The following CLEC4D variants were observed in gnomAD, a reference collection of about 807,000 sequenced individuals.
CLEC4D encodes the protein C-type lectin domain family 4 member D.
A neutral mutation model predicts 21.1 loss-of-function variants in CLEC4D; 21 were observed. The observed-to-expected ratio is 1.00, with a 90% confidence interval of 0.71 to 1.43. CLEC4D has a LOEUF of 1.43. Ranked by LOEUF, CLEC4D falls within the 40% of genes most tolerant of loss-of-function variation. The pLI is 0.00. For synonymous variants in CLEC4D, 85 were observed against 83.1 expected (o/e 1.02, Z -0.12); for missense variants, 289 against 260.7 (o/e 1.11, Z -0.75).
At chr12:8,528,507 G>A in the CLEC4D span, among the ~76,000 whole-genome samples, 4 of 152,104 alleles carry the variant, frequency 2.6e-5, no homozygotes, top group African/African-American at 9.7e-5. Flanking sequence ...CACATCCATA[G>A]TCTCTTTTAG....
chr12:8,525,385 G>C (rs981523852), downstream of CLEC4D, among the ~76,000 whole-genome samples: 1 of 152,294 alleles, frequency 6.6e-6, no homozygotes, highest in Admixed American at 6.5e-5. Context: ...GGGTGCTCCT[G>C]TATTGGGTGC....
chr12:8,523,003 T>A (rs1036033617), downstream of CLEC4D, among the ~76,000 whole-genome samples: 6 of 152,130 alleles, frequency 3.9e-5, no homozygotes, highest in Non-Finnish European at 7.3e-5. Flanking sequence ...TATCAGATGG[T>A]TGTAGATGTA....
intron 2 of CLEC4D, 51 bp downstream of exon 2, chr12:8,515,379 A>G: frequency 1.1e-6 from 1 of 914,970 alleles, no homozygotes; most frequent in Non-Finnish European, 1.8e-6. Flanking sequence ...TTTCCAAACA[A>G]CTTTTCTGAA....
chr12:8,521,145 C>T lies in CLEC4D; in HGVS notation c.522C>T (p.Pro174=), dbSNP rs757282550. The change falls in exon 6 of 6, where the codon CCC becomes CCT. Residue 174 remains proline (P), a synonymous_variant. Transcript: ENST00000299665. ...TCAGATTCTGGCATAAGAATGAACC[C>T]GACAACTCTCAGGGAGAAAACTGTG... The part of the protein sequence containing the change: ...PRRVFWHKNE[P]DNSQGENCVV... 59 of 1,612,986 alleles carry T rather than the reference C, an allele frequency of 3.7e-5. 1 individual carries two copies. The highest frequency in any genetic ancestry group is 1.9e-4 in the African/African-American group (14 of 74,944).
At chr12:8,529,405 A>G in the CLEC4D span, among the ~76,000 whole-genome samples, 2 of 152,100 alleles carry the variant, frequency 1.3e-5, no homozygotes, top group Non-Finnish European at 2.9e-5. Flanking sequence ...ACTTGAGGCC[A>G]GCAGTTTGAG....
chr12:8,517,752 C>T lies in CLEC4D; in HGVS notation c.122-412C>T, dbSNP rs1940400043. ...TCGAGGTCAGGAGATCAAGACCATC[C>T]TGGCTAACAAGGTGAAACCCCGTCT... is the stretch of plus-strand genomic sequence containing the variant. On this transcript the variant is annotated intron_variant, in intron 2 of 5. Transcript: ENST00000299665. Among the ~76,000 whole-genome samples the T allele has an allele frequency of 2.0e-5, 3 of 152,192 alleles. No homozygotes were observed. In the South Asian group the frequency reaches 6.2e-4, roughly 32 times the overall value.
At chr12:8,519,466 C>A (rs112546866) in intron 4 of CLEC4D, among the ~76,000 whole-genome samples, 2 of 152,158 alleles carry the variant, frequency 1.3e-5, no homozygotes, top group Admixed American at 1.3e-4. Context: ...TTACTTCACT[C>A]CACTATAATT....
chr12:8,524,012 C>A (rs1046508592), downstream of CLEC4D, among the ~76,000 whole-genome samples: 1 of 152,078 alleles, frequency 6.6e-6, no homozygotes, highest in East Asian at 1.9e-4. Flanking sequence ...TATTGATTTG[C>A]GTATGTTGAA....
At chr12:8,519,200 A>C (rs1225481505) in intron 4 of CLEC4D, 40 bp downstream of exon 4, 1 of 1,590,896 alleles carries the variant, frequency 6.3e-7, no homozygotes, top group African/African-American at 1.4e-5. Context: ...TGCTGCTTTG[A>C]ATCTCTTTCC....
At position 8,522,286 on chromosome 12, in the gene CLEC4D, A is replaced by ATG. The variant is rs1565493088; in HGVS notation, c.*1016_*1017dup. The ATG allele has an allele frequency of 6.6e-6, 1 of 152,162 alleles. No individual in the cohort carries two copies. Among genetic ancestry groups the ATG allele is most frequent in the East Asian group, 1.9e-4 (1 of 5,204 alleles). 9.4% of individuals were successfully genotyped at this position (152,162 alleles called of 1,614,324 possible). Reference sequence around the variant, plus strand: ...GTTATTGTTTTGACAACCAGAAATTATGCTTTTCTGGTGCATGAAACATTA... The same window carrying ATG: ...GTTATTGTTTTGACAACCAGAAATTATGTGCTTTTCTGGTGCATGAAACATTA... On this transcript the variant is annotated 3_prime_UTR_variant, in exon 6 of 6. Coordinates refer to ENST00000299665, the MANE Select transcript of CLEC4D (RefSeq NM_080387.5).
chr12:8,515,788 A>G (rs1940372099), intron 2 of CLEC4D, among the ~76,000 whole-genome samples: 2 of 152,132 alleles, frequency 1.3e-5, no homozygotes, highest in Admixed American at 1.3e-4. Flanking sequence ...AAACCTGTAC[A>G]TATTTAATGT....
At chr12:8,513,815 T>TA in intron 1 of CLEC4D, 55 bp downstream of exon 1, 1 of 830,412 alleles carries the variant, frequency 1.2e-6, no homozygotes, top group South Asian at 1.4e-5. Context: ...TATACTAATT[T>TA]AAAACATATG....
At chr12:8,516,992 G>T (rs1478433827) in intron 2 of CLEC4D, among the ~76,000 whole-genome samples, 1 of 152,216 alleles carries the variant, frequency 6.6e-6, no homozygotes, top group Admixed American at 6.5e-5. Context: ...GACAGAATCA[G>T]AATACATACT....
Position 8,515,253 on chromosome 12 carries a change from C to A in CLEC4D, c.46C>A (p.Pro16Thr). 2 of 1,472,560 alleles carry A rather than the reference C, an allele frequency of 1.4e-6. No individual in the cohort carries two copies. The highest frequency in any genetic ancestry group is 1.9e-6 in the Non-Finnish European group (2 of 1,051,402). The allele number at this position is 1,472,560 out of a possible 1,614,324, so 91.2% of individuals were successfully genotyped here. ...PQSKLEGGMH[P>T]QLIPSVIAVV... ...GGTCCTAGTGGAAGGAGGCATGCAT[C>A]CCCAGCTGATACCTTCGGTTATTGC... is the stretch of plus-strand genomic sequence containing the variant. Residue 16 changes from proline to threonine, a missense_variant, in exon 2 of 6, where the codon CCC (proline) becomes ACC (threonine). Physicochemically the swap from Pro to Thr is conservative, Grantham distance 38. Coordinates refer to ENST00000299665, the MANE Select transcript of CLEC4D (RefSeq NM_080387.5).
chr12:8,515,269 C>T lies in CLEC4D; in HGVS notation c.62C>T (p.Ser21Leu), dbSNP rs143281343. The change falls in exon 2 of 6, where the codon TCG (serine) becomes TTG (leucine). Residue 21 changes from serine (S) to leucine (L), a missense_variant. Physicochemically the swap from Ser to Leu is moderately radical, Grantham distance 145. Transcript: ENST00000299665. ...GGCATGCATCCCCAGCTGATACCTT[C>T]GGTTATTGCTGTAGTTTTCATCTTA... ...EGGMHPQLIP[S>L]VIAVVFILLL... The T allele has an allele frequency of 5.7e-5, 87 of 1,537,280 alleles. No homozygotes were observed. The highest frequency in any genetic ancestry group is 6.9e-5 in the African/African-American group (5 of 72,986).
At chr12:8,515,427 C>A in intron 2 of CLEC4D, 99 bp downstream of exon 2, 2 of 705,946 alleles carry the variant, frequency 2.8e-6, no homozygotes, top group Non-Finnish European at 2.6e-6. Context: ...TTTTTCCTAG[C>A]ATAACCTATC....
In CLEC4D at chr12:8,521,392, T is replaced by C. The variant is rs975371290; in HGVS notation, c.*121T>C. 20 of 1,452,420 alleles carry C rather than the reference T, an allele frequency of 1.4e-5. No homozygotes were observed. The African/African-American group carries it at 2.7e-4, about 20-fold the overall frequency. 90.0% of individuals were successfully genotyped at this position (1,452,420 alleles called of 1,614,324 possible). On this transcript the variant is annotated 3_prime_UTR_variant, in exon 6 of 6. Transcript: ENST00000299665. ...CTGGTTCATACAGCGTTTTTAGTCA[T>C]AATGGTCTTTTTTATTTTGTTTGAT...
chr12:8,531,004 C>A, the CLEC4D span, among the ~76,000 whole-genome samples: 5 of 152,324 alleles, frequency 3.3e-5, no homozygotes, highest in Admixed American at 2.6e-4. Flanking sequence ...ATCCACCTCA[C>A]CCTGCCCGGT....
intron 1 of CLEC4D, 119 bp downstream of exon 1, chr12:8,513,879 G>T: frequency 1.6e-6 from 1 of 639,428 alleles, no homozygotes. Context: ...GGAGGTGGAA[G>T]GAAATAAAAA....
Sources: gnomAD v4.1 joint callset for allele counts (sites outside exome capture counted in the v4.1 genomes callset) on GRCh38, gnomAD v4.1.1 for gene constraint, MANE v1.5 for transcripts, NCBI Gene and HGNC (gene_info 2026-07-23, HGNC 2026-07-21) for gene names.